Variants in TENT4A observed in about 807,000 individuals in gnomAD.
The protein encoded by TENT4A is DNA polymerase kappa.
Under a neutral mutation model 72.8 loss-of-function variants are expected in TENT4A, and 7 were observed. The ratio of observed to expected loss-of-function variants is 0.10; its 90% CI spans 0.05 to 0.18. The LOEUF is 0.18. TENT4A is among the 10% of genes least tolerant of loss of function. TENT4A has a pLI of 1.00. For synonymous variants in TENT4A, 456 were observed against 434.3 expected (o/e 1.05, Z -0.62); for missense variants, 831 against 1,017.7 (o/e 0.82, Z 2.50).
intron 1 of TENT4A, among the ~76,000 whole-genome samples, chr5:6,717,277 T>C (rs1455085686): frequency 6.6e-6 from 1 of 152,250 alleles, no homozygotes; most frequent in Non-Finnish European, 1.5e-5. Context: ...GGCTGGCCAA[T>C]AGTAAAGGAC....
intron 1 of TENT4A, among the ~76,000 whole-genome samples, chr5:6,721,803 T>C (rs970264423): frequency 3.9e-5 from 6 of 152,230 alleles, no homozygotes; most frequent in African/African-American, 1.4e-4. Context: ...TTGTGATCCT[T>C]TTCTTTCCTA....
chr5:6,746,941 T>C (rs1049955197), intron 7 of TENT4A, among the ~76,000 whole-genome samples: 2 of 152,218 alleles, frequency 1.3e-5, no homozygotes, highest in African/African-American at 4.8e-5. Flanking sequence ...GATTGCCGCA[T>C]TGAAGAGTCT....
chr5:6,738,651 A>G (rs760313621), intron 2 of TENT4A, 32 bp from the exon 3 acceptor site: 11 of 1,562,058 alleles, frequency 7.0e-6, no homozygotes, highest in Admixed American at 1.7e-5. Context: ...GGTTTGTGGT[A>G]TACATTTTAA....
intron 1 of TENT4A, among the ~76,000 whole-genome samples, chr5:6,720,491 C>T (rs991335872): frequency 6.6e-6 from 1 of 152,044 alleles, no homozygotes; most frequent in East Asian, 1.9e-4. Flanking sequence ...CCACTATAAC[C>T]AGGAGAACCT....
intron 3 of TENT4A, among the ~76,000 whole-genome samples, chr5:6,739,388 A>G (rs1320937413): frequency 6.6e-6 from 1 of 152,210 alleles, no homozygotes; most frequent in African/African-American, 2.4e-5. Flanking sequence ...GATCCAGCGT[A>G]GGCAGTGCCG....
Position 6,713,992 on chromosome 5 carries a change from G to C in TENT4A, c.9G>C (p.Pro3=). Residue 3 remains proline, a synonymous_variant, in exon 1 of 13, where the codon CCG becomes CCC. Coordinates refer to ENST00000230859, the MANE Select transcript of TENT4A (RefSeq NM_006999.6). The part of the protein sequence containing the change: MD[P]RVAWIQPEQK... ...GCGGGGGCGGCGCGTGGATGGATCCGCGCGTGGCCTGGATCCAGCCCGAGC... is the reference window on the plus strand; with the variant it reads ...GCGGGGGCGGCGCGTGGATGGATCCCCGCGTGGCCTGGATCCAGCCCGAGC... 1.0e-6 allele frequency: 1 copy of C among 979,252 alleles called. No individual in the cohort carries two copies. The highest frequency in any genetic ancestry group is 1.8e-5 in the African/African-American group (1 of 56,556). 60.7% of individuals were successfully genotyped at this position (979,252 alleles called of 1,614,324 possible).
intron 1 of TENT4A, among the ~76,000 whole-genome samples, chr5:6,724,326 G>A (rs1403664048): frequency 6.6e-6 from 1 of 152,150 alleles, no homozygotes; most frequent in African/African-American, 2.4e-5. Context: ...TATAGGCATC[G>A]TCTCTAAACT....
At chr5:6,727,885 G>A (rs1452839026) in intron 1 of TENT4A, among the ~76,000 whole-genome samples, 1 of 152,186 alleles carries the variant, frequency 6.6e-6, no homozygotes, top group East Asian at 1.9e-4. Context: ...GAGGCTCACG[G>A]TAAATAGCTG....
chr5:6,714,058 G>A lies in TENT4A; in HGVS notation c.75G>A (p.Glu25=). Residue 25 remains glutamate (E), a synonymous_variant, in exon 1 of 13, where the codon GAG becomes GAA. Transcript: ENST00000230859. ...ATGCCCTGTGGATGCAGATCTGGGAGACCTCGCAGGGCGTGGGCCGCGGCG... is the reference window on the plus strand; with the variant it reads ...ATGCCCTGTGGATGCAGATCTGGGAAACCTCGCAGGGCGTGGGCCGCGGCG... ...PANALWMQIW[E]TSQGVGRGGS... The A allele has an allele frequency of 2.0e-6, 2 of 996,376 alleles. No individual in the cohort carries two copies. Among genetic ancestry groups the A allele is most frequent in the Non-Finnish European group, 2.4e-6 (2 of 837,678 alleles). The allele number at this position is 996,376 out of a possible 1,614,324, so 61.7% of individuals were successfully genotyped here.
chr5:6,732,329 A>G (rs1741254940), intron 1 of TENT4A, among the ~76,000 whole-genome samples: 1 of 152,226 alleles, frequency 6.6e-6, no homozygotes, highest in African/African-American at 2.4e-5. Flanking sequence ...TAAAGCTGAA[A>G]ATCGTCCCCT....
chr5:6,714,315 C>G lies in TENT4A; in HGVS notation c.332C>G (p.Ser111Trp). 1 of 1,112,542 alleles carries G rather than the reference C, an allele frequency of 9.0e-7. No homozygotes were observed. The allele number at this position is 1,112,542 out of a possible 1,614,324, so 68.9% of individuals were successfully genotyped here. A position where few individuals can be genotyped will look rare whatever the true frequency, so the allele number is the denominator to read the frequency against. The change falls in exon 1 of 13, where the codon TCG (serine) becomes TGG (tryptophan). Residue 111 changes from serine to tryptophan, a missense_variant. Ser to Trp is a radical substitution (Grantham distance 177, BLOSUM62 -3). Coordinates refer to ENST00000230859, the MANE Select transcript of TENT4A (RefSeq NM_006999.6). ...RLHKSPSLSSSSSSSSSNAES... is the reference protein window; with the variant it reads ...RLHKSPSLSSWSSSSSSNAES... Reference sequence around the variant, plus strand: ...CACAAGTCGCCGTCGCTGTCGTCCTCGTCGTCGTCCTCCTCGTCCAACGCG... The same window carrying G: ...CACAAGTCGCCGTCGCTGTCGTCCTGGTCGTCGTCCTCCTCGTCCAACGCG...
chr5:6,744,472 C>T (rs1246003871), intron 6 of TENT4A, among the ~76,000 whole-genome samples: 2 of 152,186 alleles, frequency 1.3e-5, no homozygotes, highest in Non-Finnish European at 2.9e-5. Context: ...GAATTCTGTC[C>T]TTTACAAAAT....
rs1742491542 is a variant in TENT4A, at chr5:6,752,930, G to A, written c.2077G>A (p.Ala693Thr). 1 of 1,614,184 alleles carries A rather than the reference G, an allele frequency of 6.2e-7. No individual in the cohort carries two copies. Among genetic ancestry groups the A allele is most frequent in the South Asian group, 1.1e-5 (1 of 91,082 alleles). ...LGVAPVPCRQ[A>T]GVEGTASLKA... ...GGTTGCTCCTGTTCCTTGCAGACAA[G>A]CTGGTGTAGAAGGAACTGCGTCTTT... The change falls in exon 12 of 13, where the codon GCT becomes ACT. Residue 693 changes from alanine (A) to threonine (T), a missense_variant. Ala to Thr is a moderately conservative substitution (Grantham distance 58). Transcript: ENST00000230859.
At chr5:6,739,644 C>T in intron 3 of TENT4A, 88 bp from the exon 4 acceptor site, 3 of 1,510,054 alleles carry the variant, frequency 2.0e-6, no homozygotes, top group Non-Finnish European at 1.8e-6. Flanking sequence ...GAGACACAGG[C>T]ACATGTGCCT....
chr5:6,718,768 A>C (rs1740507643), intron 1 of TENT4A, among the ~76,000 whole-genome samples: 1 of 152,198 alleles, frequency 6.6e-6, no homozygotes, highest in South Asian at 2.1e-4. Flanking sequence ...AGTGCAAGAC[A>C]CTGGCTGTGC....
chr5:6,733,817 G>T, intron 1 of TENT4A, among the ~76,000 whole-genome samples: 1 of 152,292 alleles, frequency 6.6e-6, no homozygotes, highest in South Asian at 2.1e-4. Context: ...GGTCGGCAGG[G>T]CTTATCTGTG....
At chr5:6,745,730 T>C (rs1742052250) in intron 6 of TENT4A, among the ~76,000 whole-genome samples, 1 of 152,198 alleles carries the variant, frequency 6.6e-6, no homozygotes, top group African/African-American at 2.4e-5. Context: ...TATTGTGATA[T>C]AATGCTAATG....
At chr5:6,753,665 C>T (rs1742536212) in intron 12 of TENT4A, among the ~76,000 whole-genome samples, 1 of 152,242 alleles carries the variant, frequency 6.6e-6, no homozygotes. Flanking sequence ...GTGTGATGTT[C>T]CTTGGGCTCT....
Position 6,755,179 on chromosome 5 carries a change from G to A in TENT4A, c.*234G>A, listed in dbSNP as rs2126666371. On this transcript the variant is annotated 3_prime_UTR_variant, in exon 13 of 13. Transcript: ENST00000230859. Reference sequence around the variant, plus strand: ...TGGACGTTGTTTTCTGCCTTCCCAGGATTCTTCCTTCAGTGCTGAGGCAGG... The same window carrying A: ...TGGACGTTGTTTTCTGCCTTCCCAGAATTCTTCCTTCAGTGCTGAGGCAGG... 2 of 406,574 alleles carry A rather than the reference G, an allele frequency of 4.9e-6. No individual in the cohort carries two copies. The highest frequency in any genetic ancestry group is 8.8e-6 in the Non-Finnish European group (2 of 228,040). 25.2% of individuals were successfully genotyped at this position (406,574 alleles called of 1,614,324 possible).
Sources: allele counts gnomAD v4.1 joint callset (sites outside exome capture counted in the v4.1 genomes callset), GRCh38; gene constraint gnomAD v4.1.1; transcripts MANE v1.5; gene names NCBI Gene and HGNC (gene_info 2026-07-23, HGNC 2026-07-21).